PDE4B: variants seen among roughly 807,000 people sequenced by gnomAD.
The protein encoded by PDE4B is 3',5'-cyclic-AMP phosphodiesterase 4B.
In PDE4B, 20 loss-of-function variants were observed where a neutral mutation model predicts 82.2. That is an observed-to-expected ratio of 0.24 (90% CI 0.17 to 0.35). The LOEUF is 0.35. PDE4B is among the 10% of genes least tolerant of loss of function. PDE4B has a pLI of 1.00. For missense variants in PDE4B, 655 were observed against 907.2 expected (o/e 0.72, Z 3.57); for synonymous variants, 320 against 318.9 (o/e 1.00, Z -0.04).
chr1:65,856,343 C>T (rs1646392567), intron 1 of PDE4B, among the ~76,000 whole-genome samples: 1 of 152,150 alleles, frequency 6.6e-6, no homozygotes, highest in Non-Finnish European at 1.5e-5. Flanking sequence ...TGCCCCACCC[C>T]CACAACAGGC....
intron 3 of PDE4B, among the ~76,000 whole-genome samples, chr1:65,995,262 A>C (rs1651474188): frequency 6.6e-6 from 1 of 152,068 alleles, no homozygotes; most frequent in Non-Finnish European, 1.5e-5. Flanking sequence ...CTCATGACTA[A>C]GTCTTTATTT....
chr1:66,245,466 C>G (rs897072547), intron 3 of PDE4B, among the ~76,000 whole-genome samples: 4 of 152,142 alleles, frequency 2.6e-5, no homozygotes, highest in African/African-American at 9.7e-5. Context: ...GGGTGGCACA[C>G]AAAAAAGCCC....
chr1:65,870,939 A>G (rs1646565928), intron 1 of PDE4B, among the ~76,000 whole-genome samples: 1 of 152,168 alleles, frequency 6.6e-6, no homozygotes, highest in Non-Finnish European at 1.5e-5. Context: ...AGAGAGTTAG[A>G]CACCAAATTA....
intron 1 of PDE4B, among the ~76,000 whole-genome samples, chr1:65,830,874 A>G (rs1646074590): frequency 6.6e-6 from 1 of 152,136 alleles, no homozygotes; most frequent in African/African-American, 2.4e-5. Flanking sequence ...ATAGAATGTG[A>G]TAACAATAGA....
At chr1:65,940,473 T>C (rs796166435) in intron 3 of PDE4B, among the ~76,000 whole-genome samples, 2 of 152,266 alleles carry the variant, frequency 1.3e-5, no homozygotes, top group African/African-American at 4.8e-5. Context: ...AAAAAAATAA[T>C]GTTTTGGTTA....
chr1:65,929,890 A>G (rs1647735168), intron 3 of PDE4B, among the ~76,000 whole-genome samples: 1 of 152,196 alleles, frequency 6.6e-6, no homozygotes, highest in African/African-American at 2.4e-5. Context: ...GAGTCTAATC[A>G]TATTAAGCAG....
chr1:66,164,333 G>A (rs7540273), intron 3 of PDE4B, among the ~76,000 whole-genome samples: 16,929 of 151,762 alleles, frequency 0.11, 1,288 homozygotes, highest in South Asian at 0.27. Context: ...TCAGGAGTTC[G>A]AAACCAGCCT....
chr1:66,285,053 A>G (rs1377461438), intron 7 of PDE4B, among the ~76,000 whole-genome samples: 1 of 152,170 alleles, frequency 6.6e-6, no homozygotes, highest in Non-Finnish European at 1.5e-5. Flanking sequence ...TAGCCTCCTC[A>G]TCTATATAGC....
intron 1 of PDE4B, among the ~76,000 whole-genome samples, chr1:65,812,467 A>C (rs1016971602): frequency 2.6e-5 from 4 of 152,180 alleles, no homozygotes; most frequent in African/African-American, 7.2e-5. Flanking sequence ...TCCCTTCCAA[A>C]TGTAATTGGC....
At chr1:66,118,145 T>A (rs1378758782) in intron 3 of PDE4B, among the ~76,000 whole-genome samples, 1 of 152,246 alleles carries the variant, frequency 6.6e-6, no homozygotes, top group Admixed American at 6.5e-5. Flanking sequence ...TTCACCCACT[T>A]GTTGATGGGG....
chr1:66,289,323 A>G (rs1455218088), intron 7 of PDE4B, among the ~76,000 whole-genome samples: 1 of 152,132 alleles, frequency 6.6e-6, no homozygotes, highest in Non-Finnish European at 1.5e-5. Context: ...GGAGGGAGAG[A>G]CAGACTATAA....
At chr1:66,146,244 C>T (rs1304179419) in intron 3 of PDE4B, among the ~76,000 whole-genome samples, 3 of 126,398 alleles carry the variant, frequency 2.4e-5, no homozygotes, top group African/African-American at 6.0e-5. Flanking sequence ...AGTGCAGTGG[C>T]GCAATCTCTG....
chr1:66,150,955 T>G (rs1250752396), intron 3 of PDE4B, among the ~76,000 whole-genome samples: 3 of 152,194 alleles, frequency 2.0e-5, no homozygotes, highest in Admixed American at 2.0e-4. Flanking sequence ...TGAGGAATTT[T>G]TATATCAATA....
At chr1:65,929,851 C>T (rs1225220349) in intron 3 of PDE4B, among the ~76,000 whole-genome samples, 1 of 152,182 alleles carries the variant, frequency 6.6e-6, no homozygotes, top group East Asian at 1.9e-4. Flanking sequence ...GTTCTCCATA[C>T]TATTAGAAGT....
chr1:65,948,809 C>G (rs1272328323), intron 3 of PDE4B, among the ~76,000 whole-genome samples: 1 of 151,988 alleles, frequency 6.6e-6, no homozygotes, highest in Non-Finnish European at 1.5e-5. Context: ...GTTGCAACAT[C>G]TTTCTTGTTT....
intron 3 of PDE4B, chr1:66,046,344 T>C (rs188941601): frequency 6.6e-6 from 1 of 151,904 alleles, no homozygotes; most frequent in African/African-American, 2.4e-5. Flanking sequence ...ATCACAAGGT[T>C]ACACACTTTA....
chr1:65,845,182 T>C (rs10493389), intron 1 of PDE4B, among the ~76,000 whole-genome samples: 17,062 of 152,200 alleles, frequency 0.11, 1,087 homozygotes, highest in Non-Finnish European at 0.14. Flanking sequence ...CAACATAACT[T>C]TGGCAGTTCA....
intron 1 of PDE4B, among the ~76,000 whole-genome samples, chr1:65,801,472 C>T (rs1645694158): frequency 6.6e-6 from 1 of 152,152 alleles, no homozygotes; most frequent in Non-Finnish European, 1.5e-5. Flanking sequence ...TATGTAATTA[C>T]TGACCTTGGA....
chr1:66,131,155 T>C (rs1419139964), intron 3 of PDE4B, among the ~76,000 whole-genome samples: 1 of 152,060 alleles, frequency 6.6e-6, no homozygotes, highest in East Asian at 1.9e-4. Flanking sequence ...TGTGCAAAGG[T>C]AAAAAACATA....
Sources: allele counts gnomAD v4.1 joint callset (sites outside exome capture counted in the v4.1 genomes callset), GRCh38; gene constraint gnomAD v4.1.1; transcripts MANE v1.5; gene names NCBI Gene and HGNC (gene_info 2026-07-23, HGNC 2026-07-21).